SMCO2: variants seen among roughly 807,000 people sequenced by gnomAD.
The protein encoded by SMCO2 is single-pass membrane protein with coiled-coil domains 2, also known as single-pass membrane and coiled-coil domain-containing protein 2.
Under a neutral mutation model 29.5 loss-of-function variants are expected in SMCO2, and 25 were observed. The observed-to-expected ratio is 0.85, with a 90% CI of 0.62 to 1.18. The LOEUF is 1.18. Among genes scored for constraint, SMCO2 ranks in the 50% most tolerant of loss-of-function variants. The probability of loss-of-function intolerance (pLI) is 0.00; values close to 1 mark genes in which losing one functional copy is unlikely to be tolerated. For missense variants in SMCO2, 348 were observed against 344.5 expected (o/e 1.01, Z -0.08); for synonymous variants, 117 against 123.3 (o/e 0.95, Z 0.34).
At chr12:27,501,618 G>A (rs1215358764) in intron 7 of SMCO2, among the ~76,000 whole-genome samples, 1 of 150,118 alleles carries the variant, frequency 6.7e-6, no homozygotes, top group African/African-American at 2.5e-5. Context: ...TATACATCAT[G>A]AGTGAGGTAA....
chr12:27,433,219 A>C, the SMCO2 span, among the ~76,000 whole-genome samples: 20 of 152,308 alleles, frequency 1.3e-4, no homozygotes, highest in African/African-American at 4.6e-4. Flanking sequence ...AATACAAAGC[A>C]GCTAAAAAAG....
chr12:27,437,813 G>C, the SMCO2 span, among the ~76,000 whole-genome samples: 1 of 152,104 alleles, frequency 6.6e-6, no homozygotes, highest in Non-Finnish European at 1.5e-5. Flanking sequence ...CCCTTCACCT[G>C]GGCTCTGTAT....
At chr12:27,459,836 A>G in the SMCO2 span, among the ~76,000 whole-genome samples, 7 of 152,172 alleles carry the variant, frequency 4.6e-5, no homozygotes, top group Non-Finnish European at 1.5e-5. Context: ...TAAGTTGCCC[A>G]TACACTTCCA....
chr12:27,501,415 C>CCAA (rs1943074301), intron 7 of SMCO2, among the ~76,000 whole-genome samples: 1 of 85,870 alleles, frequency 1.2e-5, no homozygotes, highest in African/African-American at 4.8e-5. Flanking sequence ...GACTCCGTCT[C>CCAA]AAAAAAAAAA....
upstream of SMCO2, among the ~76,000 whole-genome samples, chr12:27,465,468 G>T (rs1166414047): frequency 6.6e-6 from 1 of 152,214 alleles, no homozygotes; most frequent in Non-Finnish European, 1.5e-5. Context: ...TGGGAGGGCT[G>T]TTGATGGAGT....
At chr12:27,458,228 T>G in the SMCO2 span, among the ~76,000 whole-genome samples, 1 of 152,198 alleles carries the variant, frequency 6.6e-6, no homozygotes, top group African/African-American at 2.4e-5. Context: ...ATTCTTTGAT[T>G]AATGAGTGTT....
chr12:27,425,613 CATA>C, the SMCO2 span, among the ~76,000 whole-genome samples: 2 of 152,162 alleles, frequency 1.3e-5, no homozygotes, highest in Admixed American at 6.5e-5. Context: ...ACCCTCTCCG[CATA>C]ATGACACTCA....
chr12:27,450,463 C>G, the SMCO2 span, among the ~76,000 whole-genome samples: 5 of 152,170 alleles, frequency 3.3e-5, no homozygotes, highest in African/African-American at 1.2e-4. Context: ...TAAAATCCAA[C>G]ACTAGTAAGG....
the SMCO2 span, among the ~76,000 whole-genome samples, chr12:27,449,790 A>G: frequency 2.0e-5 from 3 of 152,222 alleles, no homozygotes; most frequent in African/African-American, 7.2e-5. Context: ...CCTATAATAC[A>G]ATGACAGGCT....
chr12:27,441,619 C>T, the SMCO2 span, among the ~76,000 whole-genome samples: 19 of 152,154 alleles, frequency 1.2e-4, no homozygotes, highest in Admixed American at 1.2e-3. Context: ...ACTGCAGTAC[C>T]ATTATAGTGC....
chr12:27,435,299 CCCCG>C, the SMCO2 span, among the ~76,000 whole-genome samples: 114 of 16,558 alleles, frequency 6.9e-3, 30 homozygotes, highest in Non-Finnish European at 0.038. Flanking sequence ...CCCCCCCCCC[CCCCG>C]GCAATTGTGA....
the SMCO2 span, among the ~76,000 whole-genome samples, chr12:27,448,369 GCA>G: frequency 6.6e-6 from 1 of 152,176 alleles, no homozygotes; most frequent in East Asian, 1.9e-4. Flanking sequence ...CTCCCAAGCG[GCA>G]AGTCTTTACT....
the SMCO2 span, among the ~76,000 whole-genome samples, chr12:27,438,404 C>G: frequency 6.6e-6 from 1 of 152,188 alleles, no homozygotes; most frequent in Non-Finnish European, 1.5e-5. Context: ...ATGCAGCCGA[C>G]AGCCTACTGG....
At chr12:27,494,446 G>T (rs1942971437) in intron 6 of SMCO2, 90 bp downstream of exon 7, 2 of 594,142 alleles carry the variant, frequency 3.4e-6, no homozygotes, top group Non-Finnish European at 5.4e-6. Context: ...GAATATGACG[G>T]TGCACCACAT....
In SMCO2 at chr12:27,478,264, A is replaced by G. The variant is rs1214307598; in HGVS notation, c.362+3351A>G. ...GTGGCAAACTTTACTGGGGACAGTT[A>G]CCCTAGGCAGATTGGTCCTCAAGTG... is the stretch of plus-strand genomic sequence containing the variant. On this transcript the variant is annotated intron_variant, in intron 4 of 7. Transcript: ENST00000298876. Among the ~76,000 whole-genome samples, 6 of 152,222 alleles carry G rather than the reference A, an allele frequency of 3.9e-5. No homozygotes were observed. The East Asian group carries it at 1.2e-3, about 29-fold the overall frequency.
chr12:27,501,435 A>AC (rs1943076255), intron 7 of SMCO2, among the ~76,000 whole-genome samples: 1 of 122,336 alleles, frequency 8.2e-6, no homozygotes, highest in East Asian at 2.6e-4. Context: ...AAAAAAAAAA[A>AC]AACAAACAAA....
the SMCO2 span, among the ~76,000 whole-genome samples, chr12:27,432,112 G>C: frequency 3.3e-5 from 5 of 152,150 alleles, no homozygotes; most frequent in Admixed American, 3.3e-4. Context: ...AAGTTATTTG[G>C]TTTTTTTGTT....
intron 5 of SMCO2, among the ~76,000 whole-genome samples, chr12:27,492,481 T>C (rs946663105): frequency 6.6e-6 from 1 of 152,186 alleles, no homozygotes; most frequent in African/African-American, 2.4e-5. Flanking sequence ...GTTGATTGCT[T>C]GAGCCCAGGA....
exon 8 of SMCO2, chr12:27,501,945 A>T: frequency 6.5e-7 from 1 of 1,540,830 alleles, no homozygotes; most frequent in Non-Finnish European, 8.7e-7. Flanking sequence ...GAGGATTTTC[A>T]TCATGTTTGA....
Sources: gnomAD v4.1 joint callset for allele counts (sites outside exome capture counted in the v4.1 genomes callset) on GRCh38, gnomAD v4.1.1 for gene constraint, MANE v1.5 for transcripts, NCBI Gene and HGNC (gene_info 2026-07-23, HGNC 2026-07-21) for gene names.